CADPS2: variants seen among roughly 807,000 people sequenced by gnomAD.
CADPS2 encodes calcium-dependent secretion activator 2.
A neutral mutation model predicts 172.5 loss-of-function variants in CADPS2; 93 were observed. That is an observed-to-expected ratio of 0.54 (90% confidence interval 0.46 to 0.64). CADPS2 has a LOEUF of 0.64. Among genes scored for constraint, CADPS2 ranks in the 30% least tolerant of loss-of-function variants. The pLI is 0.00. For synonymous variants in CADPS2, 546 were observed against 555.2 expected (o/e 0.98, Z 0.23); for missense variants, 1,420 against 1,565.9 (o/e 0.91, Z 1.57).
chr7:122,752,520 T>C (rs1411684522), intron 1 of CADPS2, among the ~76,000 whole-genome samples: 1 of 152,182 alleles, frequency 6.6e-6, no homozygotes, highest in Non-Finnish European at 1.5e-5. Context: ...GTTTGCATAT[T>C]ATAAGGAATT....
chr7:122,364,153 G>A (rs1440563243), intron 25 of CADPS2, among the ~76,000 whole-genome samples: 1 of 152,050 alleles, frequency 6.6e-6, no homozygotes, highest in Non-Finnish European at 1.5e-5. Context: ...GCTCACACTT[G>A]TAATCCCAGC....
chr7:122,847,530 T>A (rs1812325413), intron 1 of CADPS2, among the ~76,000 whole-genome samples: 1 of 152,238 alleles, frequency 6.6e-6, no homozygotes, highest in Non-Finnish European at 1.5e-5. Flanking sequence ...ATTGTATTGT[T>A]CTCATACCAT....
chr7:122,717,942 G>C (rs1266220034), intron 2 of CADPS2, among the ~76,000 whole-genome samples: 2 of 145,084 alleles, frequency 1.4e-5, no homozygotes, highest in Non-Finnish European at 3.0e-5. Flanking sequence ...CCGAGTTGCT[G>C]GTACTATATA....
intron 2 of CADPS2, among the ~76,000 whole-genome samples, chr7:122,735,138 TG>T (rs1189231674): frequency 6.6e-6 from 1 of 152,128 alleles, no homozygotes; most frequent in Non-Finnish European, 1.5e-5. Context: ...CCCAAGTGAC[TG>T]TGAAAGGCCA....
chr7:122,399,498 G>A (rs2045607044), intron 20 of CADPS2, among the ~76,000 whole-genome samples: 1 of 151,934 alleles, frequency 6.6e-6, no homozygotes, highest in South Asian at 2.1e-4. Flanking sequence ...TTTTTTAAAT[G>A]AAATTATGTA....
intron 7 of CADPS2, among the ~76,000 whole-genome samples, chr7:122,563,568 A>C (rs879796092): frequency 4.6e-5 from 7 of 152,146 alleles, no homozygotes; most frequent in Non-Finnish European, 7.4e-5. Context: ...CCTCAATTCA[A>C]CATATTATCT....
At chr7:122,477,373 G>A (rs2056816760) in intron 12 of CADPS2, among the ~76,000 whole-genome samples, 1 of 151,806 alleles carries the variant, frequency 6.6e-6, no homozygotes, top group Non-Finnish European at 1.5e-5. Context: ...AAAATTAGCT[G>A]GACATGGTGG....
chr7:122,763,884 A>C (rs1562960810), intron 1 of CADPS2, among the ~76,000 whole-genome samples: 4 of 152,154 alleles, frequency 2.6e-5, no homozygotes, highest in Admixed American at 2.0e-4. Context: ...TATTTCCAAT[A>C]CACTATTTTA....
intron 17 of CADPS2, among the ~76,000 whole-genome samples, chr7:122,417,541 G>C (rs1055643827): frequency 3.9e-5 from 6 of 152,166 alleles, no homozygotes; most frequent in Admixed American, 2.0e-4. Context: ...AAGATCCATA[G>C]ACATGAATGA....
intron 13 of CADPS2, among the ~76,000 whole-genome samples, chr7:122,471,881 C>G (rs1304634854): frequency 1.3e-5 from 2 of 151,998 alleles, no homozygotes; most frequent in East Asian, 3.9e-4. Flanking sequence ...CTCCAAAAAT[C>G]TCAGTCTCTT....
At chr7:122,615,083 G>A (rs960558310) in intron 6 of CADPS2, 98 bp downstream of exon 6, 1 of 624,962 alleles carries the variant, frequency 1.6e-6, no homozygotes, top group East Asian at 2.9e-5. Flanking sequence ...GTTTTAGAGG[G>A]TAATACCACA....
intron 19 of CADPS2, among the ~76,000 whole-genome samples, chr7:122,408,266 C>T (rs561959379): frequency 2.0e-5 from 3 of 151,814 alleles, no homozygotes; most frequent in South Asian, 2.1e-4. Context: ...AATATTTTTA[C>T]ATAAATATCT....
At chr7:122,739,134 G>A (rs1194585786) in intron 1 of CADPS2, among the ~76,000 whole-genome samples, 2 of 152,170 alleles carry the variant, frequency 1.3e-5, no homozygotes, top group Non-Finnish European at 2.9e-5. Context: ...CAATTGCTGA[G>A]AGTGAGGCGG....
intron 6 of CADPS2, among the ~76,000 whole-genome samples, chr7:122,603,475 C>A (rs2073077421): frequency 6.7e-6 from 1 of 148,864 alleles, no homozygotes. Flanking sequence ...AAAAAACACT[C>A]AAAGCAAAGG....
At chr7:122,389,198 G>A (rs975972236) in intron 22 of CADPS2, among the ~76,000 whole-genome samples, 4 of 152,056 alleles carry the variant, frequency 2.6e-5, no homozygotes, top group South Asian at 4.1e-4. Flanking sequence ...CACGTGTGTA[G>A]AACATAGGGT....
intron 1 of CADPS2, among the ~76,000 whole-genome samples, chr7:122,828,957 T>G (rs1367950931): frequency 6.6e-6 from 1 of 152,210 alleles, no homozygotes; most frequent in Non-Finnish European, 1.5e-5. Flanking sequence ...TTACCACATT[T>G]TAGACTTCTC....
intron 2 of CADPS2, chr7:122,681,529 A>T (rs2083045434): frequency 1.2e-5 from 17 of 1,464,748 alleles, no homozygotes; most frequent in Non-Finnish European, 1.6e-5. Context: ...GTGAAGCTAC[A>T]TTACTGTGTG....
intron 1 of CADPS2, among the ~76,000 whole-genome samples, chr7:122,837,341 T>C (rs1031214288): frequency 2.0e-5 from 3 of 152,032 alleles, no homozygotes; most frequent in African/African-American, 7.2e-5. Context: ...GATCTAAAAT[T>C]GAAACCCTAA....
chr7:122,779,730 C>T (rs1428756987), intron 1 of CADPS2, among the ~76,000 whole-genome samples: 9 of 152,168 alleles, frequency 5.9e-5, no homozygotes, highest in African/African-American at 2.2e-4. Flanking sequence ...CAGGAAATCA[C>T]GATTCTCACA....
Sources: gnomAD v4.1 joint callset for allele counts (sites outside exome capture counted in the v4.1 genomes callset) on GRCh38, gnomAD v4.1.1 for gene constraint, MANE v1.5 for transcripts, NCBI Gene and HGNC (gene_info 2026-07-23, HGNC 2026-07-21) for gene names.